The following MYO3B variants were observed in gnomAD, a reference collection of about 807,000 sequenced individuals.
MYO3B encodes myosin IIIB.
Under a neutral mutation model 174.6 loss-of-function variants are expected in MYO3B, and 156 were observed. That is an observed-to-expected ratio of 0.89 (90% confidence interval 0.78 to 1.02). The LOEUF (loss-of-function observed/expected upper bound fraction) is 1.02. Among genes scored for constraint, MYO3B ranks in the 50% least tolerant of loss-of-function variants. The pLI is 0.00. For synonymous variants in MYO3B, 563 were observed against 569.1 expected, an observed-to-expected ratio of 0.99 and a Z score of 0.15; for missense variants, 1,632 against 1,639.4, an observed-to-expected ratio of 1.00 and a Z score of 0.08.
chr2:170,329,438 T>C (rs1283512045), intron 7 of MYO3B, among the ~76,000 whole-genome samples: 1 of 151,478 alleles, frequency 6.6e-6, no homozygotes, highest in Admixed American at 6.6e-5. Context: ...TGGAGTGGAG[T>C]GATGCCATCT....
At chr2:170,454,389 A>G (rs749730001) in intron 23 of MYO3B, among the ~76,000 whole-genome samples, 3 of 152,190 alleles carry the variant, frequency 2.0e-5, no homozygotes, top group Admixed American at 1.3e-4. Context: ...ACAGACAGAG[A>G]CACACCCTGC....
At position 170,515,073 on chromosome 2, in the gene MYO3B, G is replaced by A. The variant is rs375578506; in HGVS notation, c.3472+51G>A. 5.4e-5 allele frequency: 82 copies of A among 1,514,630 alleles called. 4 individuals are homozygous for A. The South Asian group carries it at 5.7e-4, about 11-fold the overall frequency. 93.8% of individuals were successfully genotyped at this position (1,514,630 alleles called of 1,614,324 possible). A position where few individuals can be genotyped will look rare whatever the true frequency, so the allele number is the denominator to read the frequency against. On this transcript the variant is annotated intron_variant, in intron 29 of 34. Transcript: ENST00000408978. ...AGTGTTCTAAATTCAGGGGCATTCC[G>A]GAGAAGGTTCCAAAGCTGGAAGTGA... is the stretch of plus-strand genomic sequence containing the variant.
At chr2:170,185,733 T>A (rs1041692136) in intron 1 of MYO3B, among the ~76,000 whole-genome samples, 2 of 152,114 alleles carry the variant, frequency 1.3e-5, no homozygotes, top group African/African-American at 4.8e-5. Flanking sequence ...TTGCTTTGGG[T>A]AGTATGGACG....
chr2:170,443,723 TTC>T (rs1363514013), intron 22 of MYO3B, among the ~76,000 whole-genome samples: 1 of 151,270 alleles, frequency 6.6e-6, no homozygotes, highest in African/African-American at 2.4e-5. Context: ...TAATTTTATG[TTC>T]TTTTTGCTTA....
intron 30 of MYO3B, 97 bp from the exon 31 acceptor site, chr2:170,542,809 A>G: frequency 5.5e-6 from 5 of 908,542 alleles, no homozygotes; most frequent in Non-Finnish European, 8.3e-6. Context: ...CATAAAAAGT[A>G]TGTTTTGATA....
Position 170,653,728 on chromosome 2 carries a change from C to G in MYO3B, c.*607C>G, listed in dbSNP as rs1699142843. The G allele has an allele frequency of 1.3e-5, 2 of 152,228 alleles. No homozygotes were observed. Among genetic ancestry groups the G allele is most frequent in the Admixed American group, 6.5e-5 (1 of 15,268 alleles). 9.4% of individuals were successfully genotyped at this position (152,228 alleles called of 1,614,324 possible). On this transcript the variant is annotated 3_prime_UTR_variant, in exon 35 of 35. Coordinates refer to ENST00000408978, the MANE Select transcript of MYO3B (RefSeq NM_138995.5). ...AATCTTTCAGATTCTTTCTACAAGG[C>G]AAATAACCCCTCTCTTGTTAATTAT... is the stretch of plus-strand genomic sequence containing the variant.
At position 170,187,783 on chromosome 2, in the gene MYO3B, A is replaced by G. The variant is rs912027567; in HGVS notation, c.2+9494A>G. On this transcript the variant is annotated intron_variant, in intron 1 of 34. Transcript: ENST00000408978. ...TCCATGTGTTTGTACAGTTTCCAAA[A>G]TTCCTATTGTTACTGATTTCTAGTT... Among the ~76,000 whole-genome samples, 81 of 152,116 alleles carry G rather than the reference A, an allele frequency of 5.3e-4. 1 individual carries two copies. The highest frequency in any genetic ancestry group is 1.9e-3 in the African/African-American group (77 of 41,442).
intron 1 of MYO3B, among the ~76,000 whole-genome samples, chr2:170,191,469 G>A (rs1049074452): frequency 2.6e-5 from 4 of 152,086 alleles, no homozygotes; most frequent in African/African-American, 9.7e-5. Context: ...GAGCAATTTA[G>A]TTCACGGTGG....
At chr2:170,306,934 G>A (rs2093704580) in intron 7 of MYO3B, among the ~76,000 whole-genome samples, 1 of 152,118 alleles carries the variant, frequency 6.6e-6, no homozygotes, top group South Asian at 2.1e-4. Flanking sequence ...AGCTTTGTAT[G>A]TTCTCAGGCA....
At chr2:170,226,357 T>C (rs745787211) in intron 6 of MYO3B, among the ~76,000 whole-genome samples, 17 of 152,210 alleles carry the variant, frequency 1.1e-4, no homozygotes, top group Non-Finnish European at 2.2e-4. Context: ...CCCCAGGCAT[T>C]GTGTGTCAGG....
intron 3 of MYO3B, 104 bp from the exon 4 acceptor site, chr2:170,214,275 T>G (rs72885631): frequency 0.13 from 105,032 of 822,160 alleles, 8,034 homozygotes; most frequent in Non-Finnish European, 0.15. Context: ...ATCTGCAAAT[T>G]TACTACATTG....
intron 32 of MYO3B, among the ~76,000 whole-genome samples, chr2:170,569,208 C>A (rs560549976): frequency 1.3e-5 from 2 of 152,260 alleles, no homozygotes; most frequent in Non-Finnish European, 2.9e-5. Context: ...ACTTTGTTTC[C>A]TCCCCTCTGT....
intron 30 of MYO3B, among the ~76,000 whole-genome samples, chr2:170,528,733 C>T (rs1331809770): frequency 6.6e-6 from 1 of 152,168 alleles, no homozygotes; most frequent in East Asian, 1.9e-4. Flanking sequence ...GTGCCCAATG[C>T]ATCAGACGAC....
intron 8 of MYO3B, chr2:170,338,100 T>A (rs2093957030): frequency 6.6e-6 from 1 of 152,236 alleles, no homozygotes; most frequent in Admixed American, 6.5e-5. Flanking sequence ...TCAAATCTGC[T>A]ATGTTTTTCC....
At chr2:170,351,170 G>C (rs573987903) in intron 8 of MYO3B, 13 of 152,280 alleles carry the variant, frequency 8.5e-5, no homozygotes, top group African/African-American at 2.6e-4. Context: ...GAAGTCACAG[G>C]TCCGCAGGTA....
At chr2:170,534,139 C>T (rs1210928657) in intron 30 of MYO3B, among the ~76,000 whole-genome samples, 1 of 152,176 alleles carries the variant, frequency 6.6e-6, no homozygotes, top group African/African-American at 2.4e-5. Flanking sequence ...AAGGTTTGTG[C>T]CACCCTGTGT....
At chr2:170,186,281 T>C (rs568719850) in intron 1 of MYO3B, among the ~76,000 whole-genome samples, 20 of 149,590 alleles carry the variant, frequency 1.3e-4, no homozygotes, top group Admixed American at 3.4e-4. Flanking sequence ...TTTTATTGTA[T>C]TGGGGTATGT....
chr2:170,352,633 G>A (rs565574487), intron 8 of MYO3B, among the ~76,000 whole-genome samples: 5 of 152,164 alleles, frequency 3.3e-5, no homozygotes, highest in African/African-American at 4.8e-5. Flanking sequence ...GTGTTTACTC[G>A]TTTTCATGGT....
intron 32 of MYO3B, among the ~76,000 whole-genome samples, chr2:170,551,830 A>G (rs1264320460): frequency 3.3e-5 from 5 of 152,176 alleles, no homozygotes; most frequent in African/African-American, 9.7e-5. Flanking sequence ...TGATTGGATC[A>G]TTGAGGTGGG....
Sources: gnomAD v4.1 joint callset for allele counts (sites outside exome capture counted in the v4.1 genomes callset) on GRCh38, gnomAD v4.1.1 for gene constraint, MANE v1.5 for transcripts, NCBI Gene and HGNC (gene_info 2026-07-23, HGNC 2026-07-21) for gene names.